PLXNA2: variants seen among roughly 807,000 people sequenced by gnomAD.
PLXNA2 encodes the protein plexin A2, also known as plexin-A2.
In PLXNA2, 91 loss-of-function variants were observed where a neutral mutation model predicts 193.5. The observed-to-expected ratio is 0.47, with a 90% CI of 0.40 to 0.56. The LOEUF (loss-of-function observed/expected upper bound fraction) is 0.56. PLXNA2 is among the 20% of genes least tolerant of loss of function. The probability of loss-of-function intolerance (pLI) is 0.00; values close to 1 mark genes in which losing one functional copy is unlikely to be tolerated. For missense variants in PLXNA2, 1,995 were observed against 2,503.2 expected (o/e 0.80, Z 4.33); for synonymous variants, 997 against 1,027.3 (o/e 0.97, Z 0.56).
chr1:208,173,541 C>A (rs1669561599), intron 3 of PLXNA2, among the ~76,000 whole-genome samples: 1 of 152,196 alleles, frequency 6.6e-6, no homozygotes, highest in South Asian at 2.1e-4. Context: ...AGCACACGGC[C>A]AAGCAGGATT....
chr1:208,200,577 C>CTTTTTTTTTTTTTTTTTTTTTTTTTT (rs36026400), intron 3 of PLXNA2, among the ~76,000 whole-genome samples: 1 of 113,998 alleles, frequency 8.8e-6, no homozygotes. Flanking sequence ...CCCAATCCTT[C>CTTTTTTTTTTTTTTTTTTTTTTTTTT]TTTTTTTTTT....
At chr1:208,242,808 T>C (rs2801200) in intron 1 of PLXNA2, among the ~76,000 whole-genome samples, 9,292 of 152,198 alleles carry the variant, frequency 0.061, 969 homozygotes, top group African/African-American at 0.21. Flanking sequence ...TAGACCATGA[T>C]TGGCATTATA....
intron 4 of PLXNA2, among the ~76,000 whole-genome samples, chr1:208,125,853 T>C (rs949745143): frequency 1.3e-5 from 2 of 152,132 alleles, no homozygotes; most frequent in Non-Finnish European, 2.9e-5. Flanking sequence ...AGACACCACA[T>C]GGATAGATCC....
chr1:208,088,629 G>C (rs1316701985), intron 9 of PLXNA2, among the ~76,000 whole-genome samples: 1 of 152,238 alleles, frequency 6.6e-6, no homozygotes, highest in African/African-American at 2.4e-5. Context: ...CCCCATCAGA[G>C]ATCTGCTGTG....
chr1:208,051,016 G>A lies in PLXNA2; in HGVS notation c.3248C>T (p.Ser1083Phe). Reference protein sequence around the residue: ...RIRVKFNGKESVNVCKVVNTT... With the variant: ...RIRVKFNGKEFVNVCKVVNTT... ...AGACCAACAGTTACTCACATTGACAGATTCTTTGCCATTGAATTTGACTCG... is the reference window on the plus strand; with the variant it reads ...AGACCAACAGTTACTCACATTGACAAATTCTTTGCCATTGAATTTGACTCG... The change falls in exon 17 of 32, where the codon TCT becomes TTT. Residue 1083 changes from serine to phenylalanine, a missense_variant. By Grantham distance (155) the Ser-to-Phe change is radical. Coordinates refer to ENST00000367033, the MANE Select transcript of PLXNA2 (RefSeq NM_025179.4). 1.2e-6 allele frequency: 2 copies of A among 1,611,002 alleles called. No homozygotes were observed. The highest frequency in any genetic ancestry group is 1.1e-5 in the South Asian group (1 of 90,984).
At chr1:208,163,526 G>T (rs544564283) in intron 3 of PLXNA2, among the ~76,000 whole-genome samples, 1 of 152,198 alleles carries the variant, frequency 6.6e-6, no homozygotes, top group African/African-American at 2.4e-5. Context: ...GGTGGGAAAT[G>T]TGGATGGGTG....
chr1:208,038,265 G>T lies in PLXNA2; in HGVS notation c.4764+106C>A. ...TCTATGCTCCAGCAGGAGGAGGAAA[G>T]CAGGGAGAGGAAAATCCTTTTTAGA... is the stretch of plus-strand genomic sequence containing the variant. On this transcript the variant is annotated intron_variant, in intron 26 of 31. Coordinates refer to ENST00000367033, the MANE Select transcript of PLXNA2 (RefSeq NM_025179.4). This position sits in a 1 kb window ranked among gnomAD's most constrained non-coding sequence, Gnocchi z 4.1. The T allele has an allele frequency of 1.3e-6, 1 of 773,488 alleles. No homozygotes were observed. Among genetic ancestry groups the T allele is most frequent in the South Asian group, 1.5e-5 (1 of 65,444 alleles). 47.9% of individuals were successfully genotyped at this position (773,488 alleles called of 1,614,324 possible). A position where few individuals can be genotyped will look rare whatever the true frequency, so the allele number is the denominator to read the frequency against.
At chr1:208,134,345 G>A (rs1296526567) in intron 4 of PLXNA2, among the ~76,000 whole-genome samples, 1 of 152,124 alleles carries the variant, frequency 6.6e-6, no homozygotes, top group African/African-American at 2.4e-5. Flanking sequence ...ATCAAAACCC[G>A]GGTTTGAGGT....
chr1:208,063,396 T>C (rs1484222815), intron 12 of PLXNA2, among the ~76,000 whole-genome samples: 1 of 152,218 alleles, frequency 6.6e-6, no homozygotes. Flanking sequence ...TAGGGTCTAT[T>C]TGTTAGCACA....
chr1:208,202,869 C>T (rs745866614), intron 3 of PLXNA2, among the ~76,000 whole-genome samples: 1 of 152,208 alleles, frequency 6.6e-6, no homozygotes, highest in Non-Finnish European at 1.5e-5. Context: ...GCTGAATACA[C>T]AGCCTGAGGC....
intron 12 of PLXNA2, among the ~76,000 whole-genome samples, chr1:208,075,236 G>A (rs528956718): frequency 2.5e-4 from 38 of 152,130 alleles, no homozygotes; most frequent in African/African-American, 8.2e-4. Flanking sequence ...CCTTGAACCC[G>A]GAGGCGGGGG....
chr1:208,036,339 T>A lies in PLXNA2; in HGVS notation c.4765-1747A>T, dbSNP rs139773867. ...TGACTCAAATGACCACAGTTCAACTTGATTGCAGGTCTAGTCACTAAACCG... is the reference window on the plus strand; with the variant it reads ...TGACTCAAATGACCACAGTTCAACTAGATTGCAGGTCTAGTCACTAAACCG... On this transcript the variant is annotated intron_variant, in intron 26 of 31. Transcript: ENST00000367033. Among the ~76,000 whole-genome samples the A allele has an allele frequency of 3.3e-5, 5 of 152,274 alleles. No homozygotes were observed. In the East Asian group the frequency reaches 9.7e-4, roughly 29 times the overall value.
At chr1:208,166,074 C>A (rs1374863813) in intron 3 of PLXNA2, among the ~76,000 whole-genome samples, 1 of 152,188 alleles carries the variant, frequency 6.6e-6, no homozygotes, top group Non-Finnish European at 1.5e-5. Context: ...CCTTCCCCAC[C>A]ACCCCACCTT....
intron 4 of PLXNA2, among the ~76,000 whole-genome samples, chr1:208,118,850 GA>G (rs1226710808): frequency 6.6e-6 from 1 of 151,956 alleles, no homozygotes; most frequent in African/African-American, 2.4e-5. Flanking sequence ...GGGTCCGGTG[GA>G]AAAAAAGCGG....
At chr1:208,120,244 C>G (rs1667765679) in intron 4 of PLXNA2, among the ~76,000 whole-genome samples, 2 of 152,092 alleles carry the variant, frequency 1.3e-5, no homozygotes. Context: ...AAGAGCATAA[C>G]AAAGATGTGA....
chr1:208,238,458 C>T (rs1671938823), intron 1 of PLXNA2, among the ~76,000 whole-genome samples: 1 of 152,206 alleles, frequency 6.6e-6, no homozygotes. Flanking sequence ...CCAAGATGAA[C>T]TATCAAGGGA....
intron 15 of PLXNA2, 150 bp downstream of exon 15, chr1:208,052,177 C>T (rs534538983): frequency 2.9e-6 from 2 of 700,644 alleles, no homozygotes; most frequent in Admixed American, 2.7e-5. Flanking sequence ...GCATATATTT[C>T]TCACAGTGAC....
chr1:208,188,685 G>A (rs1466168611), intron 3 of PLXNA2, among the ~76,000 whole-genome samples: 2 of 150,246 alleles, frequency 1.3e-5, no homozygotes, highest in Non-Finnish European at 3.0e-5. Flanking sequence ...CTCCAGCCTG[G>A]GCATCAAGAA....
chr1:208,147,826 C>G (rs1311553677), intron 3 of PLXNA2, among the ~76,000 whole-genome samples: 2 of 152,176 alleles, frequency 1.3e-5, no homozygotes, highest in Non-Finnish European at 2.9e-5. Flanking sequence ...ATTTCCCCCT[C>G]ATCCACTCTT....
Sources: gnomAD v4.1 joint callset for allele counts (sites outside exome capture counted in the v4.1 genomes callset) on GRCh38, gnomAD v4.1.1 for gene constraint, Gnocchi (gnomAD v3.1) non-coding constraint, MANE v1.5 for transcripts, NCBI Gene and HGNC (gene_info 2026-07-23, HGNC 2026-07-21) for gene names.